The following ELF2 variants were observed in gnomAD, a reference collection of about 807,000 sequenced individuals.
The protein encoded by ELF2 is E74 like ETS transcription factor 2.
Under a neutral mutation model 54.8 loss-of-function variants are expected in ELF2, and 11 were observed. The ratio of observed to expected loss-of-function variants is 0.20; its 90% CI spans 0.13 to 0.33. The LOEUF is 0.33. Ranked by LOEUF, ELF2 falls within the 10% of genes least tolerant of loss-of-function variation. The pLI is 1.00. For synonymous variants in ELF2, 203 were observed against 245.1 expected (o/e 0.83, Z 1.61); for missense variants, 513 against 703.0 (o/e 0.73, Z 3.06).
rs554636977 is a variant in ELF2, at chr4:139,094,771, G to C, written c.239-21204C>G. On this transcript the variant is annotated intron_variant, in intron 4 of 9. Coordinates refer to ENST00000686138, the MANE Select transcript of ELF2 (RefSeq NM_001331036.3). ...TTAAAGTAATGTCATTTTAAAAAAT[G>C]AGTAAAATGAGGAGATATGAAATAG... is the stretch of plus-strand genomic sequence containing the variant. 3.3e-3 allele frequency among the ~76,000 whole-genome samples: 505 copies of C among 152,184 alleles called. 2 individuals are homozygous for C. The highest frequency in any genetic ancestry group is 3.8e-3 in the Non-Finnish European group (259 of 67,998).
chr4:139,176,660 G>T (rs906159782), intron 1 of ELF2, among the ~76,000 whole-genome samples: 6 of 152,192 alleles, frequency 3.9e-5, no homozygotes, highest in Middle Eastern at 3.4e-3. Flanking sequence ...CCCCGCCGGG[G>T]TCTGTAACCT....
chr4:139,094,672 A>C (rs934505555), intron 4 of ELF2, among the ~76,000 whole-genome samples: 8 of 152,218 alleles, frequency 5.3e-5, no homozygotes, highest in African/African-American at 1.7e-4. Flanking sequence ...CAACAAACTA[A>C]GAAAATATAC....
At chr4:139,124,769 T>G (rs1736744633) in intron 4 of ELF2, among the ~76,000 whole-genome samples, 1 of 152,176 alleles carries the variant, frequency 6.6e-6, no homozygotes, top group Non-Finnish European at 1.5e-5. Flanking sequence ...CCATCAATAT[T>G]AACTCAAAGA....
chr4:139,084,206 G>A (rs1294342421), intron 4 of ELF2: 1 of 1,612,994 alleles, frequency 6.2e-7, no homozygotes, highest in Admixed American at 1.7e-5. Context: ...TCCCGGGGCT[G>A]GAGCTGCTGC....
chr4:139,113,217 G>A (rs1407797048), intron 4 of ELF2, among the ~76,000 whole-genome samples: 1 of 152,094 alleles, frequency 6.6e-6, no homozygotes, highest in Admixed American at 6.5e-5. Context: ...AGTTAGCTGA[G>A]TGTCGTGGCA....
intron 4 of ELF2, among the ~76,000 whole-genome samples, chr4:139,112,358 T>C (rs1209825446): frequency 1.3e-5 from 2 of 152,222 alleles, no homozygotes; most frequent in Non-Finnish European, 2.9e-5. Context: ...TTTATCATAA[T>C]AACATGTTTA....
In ELF2 at chr4:139,162,021, G is replaced by A. The variant is rs146690347; in HGVS notation, c.-252+14946C>T. On this transcript the variant is annotated intron_variant, in intron 1 of 9. Transcript: ENST00000686138. ...AGGCAGGAGAATCGCTTGAACCCGGGAGGCGGAGGTTGCAGTGAGCTGAGA... is the reference window on the plus strand; with the variant it reads ...AGGCAGGAGAATCGCTTGAACCCGGAAGGCGGAGGTTGCAGTGAGCTGAGA... 6.9e-3 allele frequency among the ~76,000 whole-genome samples: 1,049 copies of A among 152,250 alleles called. 17 individuals are homozygous for A. The highest frequency in any genetic ancestry group is 0.024 in the African/African-American group (999 of 41,538).
chr4:139,110,348 A>G (rs901890724), intron 4 of ELF2, among the ~76,000 whole-genome samples: 4 of 152,218 alleles, frequency 2.6e-5, no homozygotes, highest in African/African-American at 9.6e-5. Flanking sequence ...AGACATCTGT[A>G]AGGCAGCTAT....
intron 4 of ELF2, among the ~76,000 whole-genome samples, chr4:139,087,491 A>T (rs1030714419): frequency 3.3e-5 from 5 of 152,150 alleles, no homozygotes; most frequent in Admixed American, 6.5e-5. Flanking sequence ...TTTGAGACAG[A>T]GTCTCGCTCT....
intron 1 of ELF2, among the ~76,000 whole-genome samples, chr4:139,154,416 T>G (rs546103478): frequency 6.9e-6 from 1 of 145,894 alleles, no homozygotes; most frequent in South Asian, 2.5e-4. Context: ...GATCTGTTAT[T>G]ATCTTTTTAA....
At chr4:139,107,555 A>G (rs1050775195) in intron 4 of ELF2, among the ~76,000 whole-genome samples, 7 of 152,334 alleles carry the variant, frequency 4.6e-5, no homozygotes, top group Non-Finnish European at 1.0e-4. Context: ...ACACAACACC[A>G]AGGGTAATAA....
intron 6 of ELF2, among the ~76,000 whole-genome samples, chr4:139,069,248 T>C (rs1270129504): frequency 1.3e-5 from 2 of 152,190 alleles, no homozygotes; most frequent in Non-Finnish European, 2.9e-5. Context: ...CTATTCTTCA[T>C]TAGGAAGCAT....
At chr4:139,114,112 A>T (rs1371024032) in intron 4 of ELF2, among the ~76,000 whole-genome samples, 2 of 152,220 alleles carry the variant, frequency 1.3e-5, no homozygotes, top group African/African-American at 4.8e-5. Flanking sequence ...TAATTAAGTG[A>T]TATTCAATTA....
chr4:139,063,930 T>A (rs1438573352), intron 7 of ELF2, among the ~76,000 whole-genome samples: 1 of 152,090 alleles, frequency 6.6e-6, no homozygotes, highest in Admixed American at 6.6e-5. Flanking sequence ...GAGAGAGTAG[T>A]AGGCAGCGGT....
intron 1 of ELF2, among the ~76,000 whole-genome samples, chr4:139,158,964 A>G (rs2148897017): frequency 6.6e-6 from 1 of 152,284 alleles, no homozygotes; most frequent in African/African-American, 2.4e-5. Context: ...GAATACCAAG[A>G]GCCTGAGAAA....
chr4:139,080,703 T>C (rs1297344147), intron 4 of ELF2, among the ~76,000 whole-genome samples: 2 of 152,114 alleles, frequency 1.3e-5, no homozygotes, highest in Non-Finnish European at 2.9e-5. Context: ...TCATACACAA[T>C]ACTTTAACAT....
At chr4:139,065,714 T>C (rs1420172389) in intron 7 of ELF2, among the ~76,000 whole-genome samples, 1 of 152,202 alleles carries the variant, frequency 6.6e-6, no homozygotes, top group African/African-American at 2.4e-5. Context: ...AGATGTGATT[T>C]TAATTGGTAA....
intron 1 of ELF2, among the ~76,000 whole-genome samples, chr4:139,153,802 G>A (rs920726072): frequency 1.3e-5 from 2 of 152,170 alleles, no homozygotes; most frequent in African/African-American, 4.8e-5. Flanking sequence ...TGATTCCTCT[G>A]TTTACTTTAT....
intron 1 of ELF2, among the ~76,000 whole-genome samples, chr4:139,172,171 T>C (rs971557502): frequency 2.0e-5 from 3 of 152,164 alleles, no homozygotes; most frequent in Admixed American, 2.0e-4. Flanking sequence ...ACTCAAATGT[T>C]TGAGTATTAT....
Sources: allele counts gnomAD v4.1 joint callset (sites outside exome capture counted in the v4.1 genomes callset), GRCh38; gene constraint gnomAD v4.1.1; transcripts MANE v1.5; gene names NCBI Gene and HGNC (gene_info 2026-07-23, HGNC 2026-07-21).